The following GBF1 variants were observed in gnomAD, a reference collection of about 807,000 sequenced individuals.
The protein encoded by GBF1 is Golgi-specific brefeldin A-resistance guanine nucleotide exchange factor 1.
A neutral mutation model predicts 210.5 loss-of-function variants in GBF1; 114 were observed. The ratio of observed to expected loss-of-function variants is 0.54; its 90% CI spans 0.47 to 0.63. GBF1 has a LOEUF of 0.63. Ranked by LOEUF, GBF1 falls within the 30% of genes least tolerant of loss-of-function variation. The probability of loss-of-function intolerance (pLI) is 0.00; values close to 1 mark genes in which losing one functional copy is unlikely to be tolerated. For missense variants in GBF1, 1,851 were observed against 2,357.7 expected (o/e 0.79, Z 4.45); for synonymous variants, 850 against 889.2 (o/e 0.96, Z 0.78).
intron 3 of GBF1, among the ~76,000 whole-genome samples, chr10:102,338,237 C>CTTT (rs398046214): frequency 4.2e-3 from 481 of 114,038 alleles, no homozygotes; most frequent in Non-Finnish European, 5.5e-3. Context: ...CAACCTTCTT[C>CTTT]TTTTTTTTTT....
intron 3 of GBF1, among the ~76,000 whole-genome samples, chr10:102,262,544 T>C (rs1294685444): frequency 6.6e-6 from 1 of 152,192 alleles, no homozygotes; most frequent in Non-Finnish European, 1.5e-5. Flanking sequence ...TTGTTATAAG[T>C]GACTGGGAAT....
At chr10:102,308,572 G>C (rs2078126888) in intron 3 of GBF1, among the ~76,000 whole-genome samples, 1 of 152,060 alleles carries the variant, frequency 6.6e-6, no homozygotes, top group Non-Finnish European at 1.5e-5. Context: ...CATGTCCTTT[G>C]TAGGGACATG....
At chr10:102,381,377 A>G in intron 39 of GBF1, 122 bp downstream of exon 39, 1 of 933,428 alleles carries the variant, frequency 1.1e-6, no homozygotes, top group South Asian at 1.6e-5. Context: ...GAAGGCCACT[A>G]GAGAGAACTG....
intron 3 of GBF1, among the ~76,000 whole-genome samples, chr10:102,315,254 C>T (rs979558634): frequency 4.6e-5 from 7 of 152,194 alleles, no homozygotes; most frequent in East Asian, 1.9e-4. Flanking sequence ...CCCCTGGCCA[C>T]GGACCCGTTA....
chr10:102,353,528 G>A, intron 7 of GBF1, 72 bp from the exon 8 acceptor site: 1 of 1,050,870 alleles, frequency 9.5e-7, no homozygotes. Context: ...AGCACCTTTG[G>A]TTTGTGGCTG....
intron 3 of GBF1, among the ~76,000 whole-genome samples, chr10:102,310,142 A>T (rs988050476): frequency 1.3e-5 from 2 of 152,220 alleles, no homozygotes; most frequent in African/African-American, 4.8e-5. Flanking sequence ...TAGGGTACAT[A>T]TGTTTCGCCT....
At chr10:102,240,627 T>C (rs1416179008), upstream of GBF1, among the ~76,000 whole-genome samples, 1 of 152,198 alleles carries the variant, frequency 6.6e-6, no homozygotes, top group Non-Finnish European at 1.5e-5. Context: ...CCCACTTCGC[T>C]ACCCGGACAT....
intron 8 of GBF1, among the ~76,000 whole-genome samples, chr10:102,355,697 C>T (rs1027454196): frequency 2.0e-5 from 3 of 152,222 alleles, no homozygotes; most frequent in African/African-American, 7.2e-5. Context: ...ACTGGCTTCT[C>T]AGTGGAAGTA....
intron 38 of GBF1, 25 bp downstream of exon 38, chr10:102,380,711 CAA>C (rs1158184312): frequency 3.8e-6 from 6 of 1,561,352 alleles, no homozygotes; most frequent in Admixed American, 1.8e-5. Flanking sequence ...CCAGCTTTAT[CAA>C]AAAGAGTCTC....
intron 8 of GBF1, among the ~76,000 whole-genome samples, chr10:102,356,991 A>C (rs2059330100): frequency 6.6e-6 from 1 of 152,090 alleles, no homozygotes; most frequent in Admixed American, 6.6e-5. Flanking sequence ...ACAACATAAA[A>C]CTGCATCTGG....
chr10:102,232,787 A>G, the GBF1 span, among the ~76,000 whole-genome samples: 1 of 152,048 alleles, frequency 6.6e-6, no homozygotes, highest in Non-Finnish European at 1.5e-5. Context: ...ATCCCCCTAT[A>G]CTCATACATG....
intron 3 of GBF1, among the ~76,000 whole-genome samples, chr10:102,286,218 CTG>C (rs2075940025): frequency 9.3e-6 from 1 of 107,016 alleles, no homozygotes; most frequent in Non-Finnish European, 1.9e-5. Flanking sequence ...TTTTTTTTTT[CTG>C]TCTTTCTTTC....
chr10:102,256,953 G>T (rs1311301763), intron 1 of GBF1, among the ~76,000 whole-genome samples: 2 of 152,310 alleles, frequency 1.3e-5, no homozygotes, highest in African/African-American at 4.8e-5. Flanking sequence ...CAGGAGGATT[G>T]CTTGAGCCCA....
At chr10:102,304,405 A>G (rs990231043) in intron 3 of GBF1, among the ~76,000 whole-genome samples, 2 of 152,160 alleles carry the variant, frequency 1.3e-5, no homozygotes, top group African/African-American at 4.8e-5. Context: ...ATCTGAGAAA[A>G]TTTTGGAGTG....
chr10:102,275,121 C>G (rs1333627789), intron 3 of GBF1, among the ~76,000 whole-genome samples: 1 of 151,644 alleles, frequency 6.6e-6, no homozygotes, highest in Non-Finnish European at 1.5e-5. Flanking sequence ...TCCCAAAGTG[C>G]TGGGATTACA....
intron 3 of GBF1, among the ~76,000 whole-genome samples, chr10:102,277,413 A>G (rs1401805290): frequency 2.0e-5 from 3 of 147,548 alleles, no homozygotes; most frequent in African/African-American, 7.5e-5. Context: ...TTTTTTTCAG[A>G]CAGTCTCGCT....
intron 3 of GBF1, among the ~76,000 whole-genome samples, chr10:102,337,116 C>T (rs547549228): frequency 6.6e-6 from 1 of 151,514 alleles, no homozygotes; most frequent in Admixed American, 6.6e-5. Context: ...AGGTGGCTCA[C>T]GTCTGTAATC....
At chr10:102,263,209 G>A (rs1331712722) in intron 3 of GBF1, among the ~76,000 whole-genome samples, 10 of 152,248 alleles carry the variant, frequency 6.6e-5, no homozygotes, top group African/African-American at 9.6e-5. Flanking sequence ...TTTCTTTTAC[G>A]GAAACAAACA....
chr10:102,359,096 C>A (rs1330641427), intron 10 of GBF1, 171 bp from the exon 11 acceptor site: 1 of 616,886 alleles, frequency 1.6e-6, no homozygotes, highest in Non-Finnish European at 2.9e-6. Flanking sequence ...TTTTCTGAGT[C>A]CTTCATCATA....
Sources: allele counts gnomAD v4.1 joint callset (sites outside exome capture counted in the v4.1 genomes callset), GRCh38; gene constraint gnomAD v4.1.1; transcripts MANE v1.5; gene names NCBI Gene and HGNC (gene_info 2026-07-23, HGNC 2026-07-21).